Variants in ENTREP1 observed in about 807,000 individuals in gnomAD.
ENTREP1 encodes endosomal transmembrane epsin interactor 1.
At chr9:69,353,989 C>G in the ENTREP1 span, among the ~76,000 whole-genome samples, 4 of 152,266 alleles carry the variant, frequency 2.6e-5, no homozygotes, top group Non-Finnish European at 1.5e-5. Context: ...CTTGTCTCAT[C>G]TGGACCCCTA....
At chr9:69,375,707 G>A in the ENTREP1 span, 6 of 1,575,252 alleles carry the variant, frequency 3.8e-6, no homozygotes, top group Non-Finnish European at 4.4e-6. Flanking sequence ...AATAATTAAA[G>A]TATTTTTTTT....
the ENTREP1 span, among the ~76,000 whole-genome samples, chr9:69,344,090 G>A: frequency 6.6e-6 from 1 of 152,202 alleles, no homozygotes; most frequent in Non-Finnish European, 1.5e-5. Flanking sequence ...CCTGCATCCA[G>A]GTTGTCTGAG....
the ENTREP1 span, chr9:69,329,826 G>T: frequency 7.4e-6 from 3 of 405,348 alleles, no homozygotes; most frequent in African/African-American, 7.5e-5. Flanking sequence ...TTCCACTGGG[G>T]TATGGGCGTT....
At chr9:69,363,386 T>A in the ENTREP1 span, among the ~76,000 whole-genome samples, 1 of 151,950 alleles carries the variant, frequency 6.6e-6, no homozygotes, top group African/African-American at 2.4e-5. Flanking sequence ...AGGAAAAAAA[T>A]TAGGTTAAAT....
the ENTREP1 span, among the ~76,000 whole-genome samples, chr9:69,360,580 T>C: frequency 6.6e-6 from 1 of 152,236 alleles, no homozygotes; most frequent in Non-Finnish European, 1.5e-5. Context: ...ACCATCCTCT[T>C]ACTGTTTAAG....
the ENTREP1 span, among the ~76,000 whole-genome samples, chr9:69,376,584 A>G: frequency 1.3e-5 from 2 of 152,088 alleles, no homozygotes; most frequent in Non-Finnish European, 2.9e-5. Flanking sequence ...GGTTTTCTTT[A>G]GATATTTGTT....
At chr9:69,391,694 CT>C in the ENTREP1 span, 1 of 1,614,140 alleles carries the variant, frequency 6.2e-7, no homozygotes, top group Non-Finnish European at 8.5e-7. Flanking sequence ...CTGCGGCGAC[CT>C]TCACACCTTC....
chr9:69,360,939 G>T, the ENTREP1 span, among the ~76,000 whole-genome samples: 36 of 151,700 alleles, frequency 2.4e-4, no homozygotes, highest in African/African-American at 8.5e-4. Flanking sequence ...ATTCAAACTT[G>T]ATCAACATTT....
At chr9:69,391,915 G>T in the ENTREP1 span, 1 of 1,087,412 alleles carries the variant, frequency 9.2e-7, no homozygotes, top group Non-Finnish European at 1.3e-6. Flanking sequence ...TGGAGGACAC[G>T]TTTTCCCACC....
At chr9:69,377,728 C>G in the ENTREP1 span, 1 of 1,613,340 alleles carries the variant, frequency 6.2e-7, no homozygotes, top group South Asian at 1.1e-5. Context: ...CTCGTGCACA[C>G]CCCGGATGAA....
chr9:69,359,514 G>A, the ENTREP1 span, among the ~76,000 whole-genome samples: 1 of 152,154 alleles, frequency 6.6e-6, no homozygotes, highest in Non-Finnish European at 1.5e-5. Context: ...ATAAGGGGCT[G>A]TTTCCCCTTC....
At chr9:69,354,411 C>A in the ENTREP1 span, among the ~76,000 whole-genome samples, 1 of 151,988 alleles carries the variant, frequency 6.6e-6, no homozygotes, top group Admixed American at 6.6e-5. Flanking sequence ...GTGCCCACCA[C>A]CAGGCCCAGC....
chr9:69,325,277 G>C, the ENTREP1 span: 1 of 29,350 alleles, frequency 3.4e-5, no homozygotes. Flanking sequence ...GCCGCAGCCG[G>C]CCGCACCCGG....
the ENTREP1 span, among the ~76,000 whole-genome samples, chr9:69,364,411 A>G: frequency 6.6e-6 from 1 of 151,714 alleles, no homozygotes; most frequent in South Asian, 2.1e-4. Context: ...TTAAGGCAAG[A>G]GTAATTTCTT....
the ENTREP1 span, among the ~76,000 whole-genome samples, chr9:69,356,176 C>T: frequency 6.6e-6 from 1 of 152,226 alleles, no homozygotes; most frequent in Non-Finnish European, 1.5e-5. Flanking sequence ...ATTCTACTTT[C>T]TGTCTCTATG....
chr9:69,350,335 T>TC, the ENTREP1 span, among the ~76,000 whole-genome samples: 133,239 of 152,170 alleles, frequency 0.88, 58,618 homozygotes, highest in African/African-American at 0.96. Flanking sequence ...GAAAGACTCT[T>TC]TTTCCCCTTT....
chr9:69,389,812 A>C, the ENTREP1 span, among the ~76,000 whole-genome samples: 1 of 152,234 alleles, frequency 6.6e-6, no homozygotes, highest in African/African-American at 2.4e-5. Flanking sequence ...TATACAGTTC[A>C]CTAGATGCTA....
the ENTREP1 span, among the ~76,000 whole-genome samples, chr9:69,359,604 C>T: frequency 6.6e-6 from 1 of 152,190 alleles, no homozygotes; most frequent in South Asian, 2.1e-4. Flanking sequence ...TTGTATGTCT[C>T]TCCAGCCATG....
At chr9:69,377,283 C>T in the ENTREP1 span, 13,113 of 848,110 alleles carry the variant, frequency 0.015, 157 homozygotes, top group African/African-American at 0.041. Flanking sequence ...ATGGAGGCAG[C>T]GTTATTATTA....
Sources: allele counts gnomAD v4.1 joint callset (sites outside exome capture counted in the v4.1 genomes callset), GRCh38; gene constraint gnomAD v4.1.1; transcripts MANE v1.5; gene names NCBI Gene and HGNC (gene_info 2026-07-23, HGNC 2026-07-21).